Variants in DCX observed in about 807,000 individuals in gnomAD.
The protein encoded by DCX is doublecortin.
DCX carries 4 observed loss-of-function variants against 20.9 expected under a neutral mutation model. The ratio of observed to expected loss-of-function variants is 0.19; its 90% confidence interval spans 0.09 to 0.44. DCX has a LOEUF of 0.44. Among genes scored for constraint, DCX ranks in the 20% least tolerant of loss-of-function variants. The probability of loss-of-function intolerance (pLI) is 0.99; values close to 1 mark genes in which losing one functional copy is unlikely to be tolerated. For synonymous variants in DCX, 103 were observed against 111.4 expected (o/e 0.92, Z 0.47); for missense variants, 133 against 296.9 (o/e 0.45, Z 4.06).
At chrX:111,316,270 C>A (rs1395431807) in intron 5 of DCX, among the ~76,000 whole-genome samples, 1 of 110,137 alleles carries the variant, frequency 9.1e-6, no homozygotes, top group African/African-American at 3.3e-5. Flanking sequence ...TCTTGCTCTG[C>A]CACCAGGCTG....
chrX:111,307,890 C>T (rs2095049087), intron 6 of DCX, among the ~76,000 whole-genome samples: 1 of 111,216 alleles, frequency 9.0e-6, no homozygotes, highest in African/African-American at 3.3e-5. Context: ...TCAGAGGAAG[C>T]AGGGATAAGG....
chrX:111,362,705 T>G (rs1924304116), intron 3 of DCX, among the ~76,000 whole-genome samples: 1 of 110,793 alleles, frequency 9.0e-6, no homozygotes, highest in Non-Finnish European at 1.9e-5. Context: ...GACTGTAGAG[T>G]CTCAGGGTGA....
intron 5 of DCX, among the ~76,000 whole-genome samples, chrX:111,319,616 G>A (rs1410293887): frequency 8.9e-6 from 1 of 112,213 alleles, no homozygotes; most frequent in Admixed American, 9.4e-5. Flanking sequence ...AGGAAATGAA[G>A]GAGTTAATAG....
intron 2 of DCX, among the ~76,000 whole-genome samples, chrX:111,408,049 C>T (rs1184098826): frequency 1.8e-5 from 2 of 111,388 alleles, no homozygotes; most frequent in African/African-American, 6.5e-5. Context: ...GGTGCTTTGT[C>T]TGTGAAAGTT....
intron 5 of DCX, among the ~76,000 whole-genome samples, chrX:111,317,335 C>G (rs1483307582): frequency 9.0e-6 from 1 of 111,442 alleles, no homozygotes; most frequent in African/African-American, 3.3e-5. Flanking sequence ...AAAGGACTCC[C>G]TATTTAATAA....
At chrX:111,325,310 T>A (rs1326735683) in intron 5 of DCX, among the ~76,000 whole-genome samples, 2 of 111,276 alleles carry the variant, frequency 1.8e-5, no homozygotes, top group Admixed American at 9.6e-5. Context: ...AGACAGCACA[T>A]CCCACATACT....
intron 5 of DCX, among the ~76,000 whole-genome samples, chrX:111,322,520 G>T (rs2095089007): frequency 8.9e-6 from 1 of 112,179 alleles, no homozygotes; most frequent in South Asian, 3.7e-4. Flanking sequence ...AAGATACCTT[G>T]TTTTCCCCTT....
intron 1 of DCX, chrX:111,410,951 A>T: frequency 8.3e-7 from 1 of 1,209,832 alleles, no homozygotes. Flanking sequence ...CAGTACAATG[A>T]CTATGAAGGG....
At chrX:111,376,009 G>A (rs1802298001) in intron 3 of DCX, among the ~76,000 whole-genome samples, 1 of 112,240 alleles carries the variant, frequency 8.9e-6, no homozygotes, top group African/African-American at 3.2e-5. Flanking sequence ...AGCTCCCTAA[G>A]TTTCTCCTCT....
At chrX:111,407,802 G>GCGCACA (rs746196711) in intron 2 of DCX, among the ~76,000 whole-genome samples, 8 of 90,285 alleles carry the variant, frequency 8.9e-5, no homozygotes, top group South Asian at 6.4e-4. Flanking sequence ...ACATCAATAC[G>GCGCACA]CACACACACA....
intron 3 of DCX, among the ~76,000 whole-genome samples, chrX:111,353,877 T>G (rs1923520795): frequency 4.5e-5 from 5 of 111,893 alleles, no homozygotes. Flanking sequence ...GCATCTGACC[T>G]ACATTTAATA....
At chrX:111,375,972 T>C (rs1196921590) in intron 3 of DCX, among the ~76,000 whole-genome samples, 1 of 112,150 alleles carries the variant, frequency 8.9e-6, no homozygotes, top group African/African-American at 3.2e-5. Flanking sequence ...TGCCAGCTAT[T>C]GAGAGAAACA....
chrX:111,329,398 G>A (rs1247445744), intron 5 of DCX, among the ~76,000 whole-genome samples: 29 of 111,617 alleles, frequency 2.6e-4, no homozygotes, highest in Non-Finnish European at 3.8e-5. Context: ...TAGGGGCCAG[G>A]CACTATGCTC....
chrX:111,377,770 C>T (rs938923722), intron 3 of DCX, among the ~76,000 whole-genome samples: 2 of 111,224 alleles, frequency 1.8e-5, no homozygotes, highest in Non-Finnish European at 3.8e-5. Context: ...CCTTCCTTTC[C>T]TCTTCCTCCC....
chrX:111,319,797 G>A (rs1190841154), intron 5 of DCX, among the ~76,000 whole-genome samples: 1 of 111,715 alleles, frequency 9.0e-6, no homozygotes, highest in Non-Finnish European at 1.9e-5. Context: ...GGCAACCCCG[G>A]TAAGTTCTCC....
chrX:111,332,960 G>T, intron 4 of DCX, 91 bp downstream of exon 4: 2 of 661,114 alleles, frequency 3.0e-6, no homozygotes, highest in Non-Finnish European at 2.5e-6. Context: ...ATCATGCATA[G>T]ATGTTTTCCA....
In DCX at chrX:111,299,753, A is replaced by G. The variant is rs2095029625; in HGVS notation, c.*1934T>C. On this transcript the variant is annotated 3_prime_UTR_variant, in exon 7 of 7. Coordinates refer to ENST00000636035, the MANE Select transcript of DCX (RefSeq NM_001195553.2). ...GGAGAGGGGGCAAAAAGAGATCCTC[A>G]TCATTTGGGGTTCTTCAATTTCACC... 9.0e-6 allele frequency: 1 copy of G among 111,633 alleles called. No individual in the cohort carries two copies. The highest frequency in any genetic ancestry group is 1.9e-5 in the Non-Finnish European group (1 of 53,164). The allele number at this position is 111,633 out of a possible 1,213,427, so 9.2% of individuals were successfully genotyped here.
chrX:111,359,648 A>C (rs1250235190), intron 3 of DCX, among the ~76,000 whole-genome samples: 1 of 112,313 alleles, frequency 8.9e-6, no homozygotes, highest in Non-Finnish European at 1.9e-5. Flanking sequence ...ACCTTCTAAA[A>C]TACATCATAT....
intron 3 of DCX, among the ~76,000 whole-genome samples, chrX:111,370,336 G>A (rs1372159475): frequency 1.8e-5 from 2 of 111,803 alleles, no homozygotes; most frequent in Non-Finnish European, 3.8e-5. Context: ...ATTGCTCAAT[G>A]AGTGGTCTAT....
Sources: gnomAD v4.1 joint callset for allele counts (sites outside exome capture counted in the v4.1 genomes callset) on GRCh38, gnomAD v4.1.1 for gene constraint, MANE v1.5 for transcripts, NCBI Gene and HGNC (gene_info 2026-07-23, HGNC 2026-07-21) for gene names.